The following CYB5RL variants were observed in gnomAD, a reference collection of about 807,000 sequenced individuals.
CYB5RL encodes cytochrome b5 reductase like.
Under a neutral mutation model 37.5 loss-of-function variants are expected in CYB5RL, and 38 were observed. The observed-to-expected ratio is 1.01, with a 90% CI of 0.78 to 1.33. CYB5RL has a LOEUF of 1.33. Among genes scored for constraint, CYB5RL ranks in the 40% most tolerant of loss-of-function variants. The pLI, the probability that CYB5RL is intolerant of heterozygous loss-of-function variation, is 0.00. For synonymous variants in CYB5RL, 141 were observed against 151.9 expected (o/e 0.93, Z 0.53); for missense variants, 388 against 394.4 (o/e 0.98, Z 0.14).
chr1:54,197,252 C>A (rs1644015684), intron 1 of CYB5RL, among the ~76,000 whole-genome samples: 1 of 151,986 alleles, frequency 6.6e-6, no homozygotes, highest in Non-Finnish European at 1.5e-5. Context: ...GTGAGCACTC[C>A]ATGCACTTGG....
intron 6 of CYB5RL, among the ~76,000 whole-genome samples, chr1:54,181,245 G>C (rs1035124332): frequency 1.3e-5 from 2 of 152,104 alleles, no homozygotes; most frequent in Non-Finnish European, 2.9e-5. Flanking sequence ...TCCTTTCTTT[G>C]TGTTTCCACA....
At chr1:54,187,305 T>A (rs1643909296) in intron 5 of CYB5RL, among the ~76,000 whole-genome samples, 1 of 152,016 alleles carries the variant, frequency 6.6e-6, no homozygotes, top group South Asian at 2.1e-4. Context: ...TGGTTAACCA[T>A]CCCCTCAGCC....
At chr1:54,187,598 T>C in intron 5 of CYB5RL, 54 bp downstream of exon 5, 1 of 1,562,022 alleles carries the variant, frequency 6.4e-7, no homozygotes, top group Non-Finnish European at 8.8e-7. Context: ...CTCTCCATTC[T>C]TAGACCCATA....
At chr1:54,184,379 C>T (rs1225261395) in intron 5 of CYB5RL, 114 bp from the exon 6 acceptor site, 3 of 837,632 alleles carry the variant, frequency 3.6e-6, no homozygotes, top group South Asian at 3.5e-5. Context: ...CATGTGTTAT[C>T]TCATTTAATC....
At chr1:54,193,798 T>G (rs1643978809) in intron 3 of CYB5RL, among the ~76,000 whole-genome samples, 1 of 150,808 alleles carries the variant, frequency 6.6e-6, no homozygotes, top group Admixed American at 6.6e-5. Flanking sequence ...AAACCCTGTC[T>G]CTGCTAAAAA....
chr1:54,179,175 C>G lies in CYB5RL; in HGVS notation c.718G>C (p.Val240Leu). 1 of 1,613,336 alleles carries G rather than the reference C, an allele frequency of 6.2e-7. No individual in the cohort carries two copies. The highest frequency in any genetic ancestry group is 8.5e-7 in the Non-Finnish European group (1 of 1,179,722). The change falls in exon 7 of 8, where the codon GTC becomes CTC. Residue 240 changes from valine to leucine, a missense_variant. By Grantham distance (32) the Val-to-Leu change is conservative. Transcript: ENST00000534324. ...FLQEQARFWN[V>L]RTFFVLSQES... ...TGGCTGAGTACAAAGAAGGTACGGA[C>G]ATTCCAGAAACGGGCCTGCTCTTGG...
chr1:54,171,698 T>C lies in CYB5RL; in HGVS notation c.*2921A>G. 1 of 337,856 alleles carries C rather than the reference T, an allele frequency of 3.0e-6. No homozygotes were observed. Among genetic ancestry groups the C allele is most frequent in the South Asian group, 2.4e-5 (1 of 41,704 alleles). 20.9% of individuals were successfully genotyped at this position (337,856 alleles called of 1,614,324 possible). ...TCTAGCTCCTAAGTCTCCCTTCTCC[T>C]ACTACAACATCACACGGTGGCCACG... On this transcript the variant is annotated 3_prime_UTR_variant, in exon 8 of 8. Transcript: ENST00000534324.
intron 3 of CYB5RL, among the ~76,000 whole-genome samples, chr1:54,192,831 A>G (rs1312635708): frequency 2.0e-5 from 3 of 151,804 alleles, no homozygotes; most frequent in Admixed American, 6.6e-5. Context: ...TTTGGGCTCA[A>G]TGCAACCTCC....
At chr1:54,198,216 C>T (rs1644031463) in intron 1 of CYB5RL, among the ~76,000 whole-genome samples, 1 of 151,998 alleles carries the variant, frequency 6.6e-6, no homozygotes, top group Non-Finnish European at 1.5e-5. Flanking sequence ...CACAGAGCCT[C>T]ATAGACTACA....
chr1:54,177,595 C>T (rs1660051185), intron 7 of CYB5RL, among the ~76,000 whole-genome samples: 1 of 152,192 alleles, frequency 6.6e-6, no homozygotes, highest in African/African-American at 2.4e-5. Flanking sequence ...ATACTCCACT[C>T]TCCACTAACT....
intron 4 of CYB5RL, among the ~76,000 whole-genome samples, chr1:54,188,557 CCAT>C (rs779059558): frequency 6.6e-6 from 1 of 152,186 alleles, no homozygotes; most frequent in Non-Finnish European, 1.5e-5. Context: ...AGGATAACCA[CCAT>C]GAGTCACAGT....
intron 5 of CYB5RL, 143 bp downstream of exon 5, chr1:54,187,509 G>T: frequency 1.3e-6 from 1 of 744,676 alleles, no homozygotes; most frequent in African/African-American, 1.8e-5. Flanking sequence ...TCTGTTCCAG[G>T]ACAAAGGACT....
intron 5 of CYB5RL, chr1:54,186,417 C>G (rs1426486175): frequency 6.6e-6 from 1 of 152,210 alleles, no homozygotes; most frequent in Non-Finnish European, 1.5e-5. Flanking sequence ...TTCTCCTTCC[C>G]TTCTACTTGG....
chr1:54,175,428 G>A, intron 7 of CYB5RL: 1 of 283,172 alleles, frequency 3.5e-6, no homozygotes, highest in Non-Finnish European at 7.2e-6. Context: ...AGGCTGGACG[G>A]TGACCCCACG....
chr1:54,177,409 C>A (rs759101680), intron 7 of CYB5RL, among the ~76,000 whole-genome samples: 16 of 152,188 alleles, frequency 1.1e-4, no homozygotes, highest in Non-Finnish European at 1.9e-4. Flanking sequence ...GACTAAAAAT[C>A]TTCTATTGCT....
chr1:54,190,793 C>T lies in CYB5RL; in HGVS notation c.302G>A (p.Gly101Glu), dbSNP rs1377851949. 1.5e-5 allele frequency: 23 copies of T among 1,569,338 alleles called. No homozygotes were observed. Among genetic ancestry groups the T allele is most frequent in the Non-Finnish European group, 1.9e-5 (22 of 1,157,488 alleles). ...DTYRVRFALP[G>E]NSQLGLRPGQ... The stretch of plus-strand genomic sequence containing the variant: ...GGGCCGCAGGCCAAGCTGGCTGTTC[C>T]CGGGTAGAGCAAACCGGACACGGTA... The change falls in exon 4 of 8, where the codon GGG becomes GAG. Residue 101 changes from glycine to glutamate, a missense_variant. Gly to Glu is a moderately conservative substitution (Grantham distance 98). Coordinates refer to ENST00000534324, the MANE Select transcript of CYB5RL (RefSeq NM_001031672.4).
chr1:54,178,514 C>A (rs922352288), intron 7 of CYB5RL, among the ~76,000 whole-genome samples: 2 of 152,144 alleles, frequency 1.3e-5, no homozygotes, highest in East Asian at 3.8e-4. Context: ...GAAGGGTTAC[C>A]TGAGTGAGCG....
In CYB5RL at chr1:54,170,936, AC is replaced by A; in HGVS notation, c.*3682del. On this transcript the variant is annotated 3_prime_UTR_variant, in exon 8 of 8. Coordinates refer to ENST00000534324, the MANE Select transcript of CYB5RL (RefSeq NM_001031672.4). ...AAACACCTTTTGCCACCTGGAAAGC[AC>A]TTCCTGAACATTAGTTGTTTATCGC... 2.9e-6 allele frequency: 1 copy of A among 344,814 alleles called. No individual in the cohort carries two copies. Among genetic ancestry groups the A allele is most frequent in the Non-Finnish European group, 5.8e-6 (1 of 173,258 alleles). The allele number at this position is 344,814 out of a possible 1,614,324, so 21.4% of individuals were successfully genotyped here. A position where few individuals can be genotyped will look rare whatever the true frequency, so the allele number is the denominator to read the frequency against.
Position 54,171,429 on chromosome 1 carries a change from T to C in CYB5RL, c.*3190A>G. ...GTGTGTGGGGAAAACTGGTCTGGTC[T>C]CAGCGTGGAGGTGGCATGGAGACTG... is the stretch of plus-strand genomic sequence containing the variant. On this transcript the variant is annotated 3_prime_UTR_variant, in exon 8 of 8. Coordinates refer to ENST00000534324, the MANE Select transcript of CYB5RL (RefSeq NM_001031672.4). The C allele has an allele frequency of 2.2e-6, 1 of 456,208 alleles. No homozygotes were observed. The highest frequency in any genetic ancestry group is 1.5e-5 in the South Asian group (1 of 64,550). The allele number at this position is 456,208 out of a possible 1,614,324, so 28.3% of individuals were successfully genotyped here.
Sources: allele counts gnomAD v4.1 joint callset (sites outside exome capture counted in the v4.1 genomes callset), GRCh38; gene constraint gnomAD v4.1.1; transcripts MANE v1.5; gene names NCBI Gene and HGNC (gene_info 2026-07-23, HGNC 2026-07-21).